Variants in RNGTT observed in about 807,000 individuals in gnomAD.
RNGTT encodes the protein mRNA-capping enzyme.
In RNGTT, 33 loss-of-function variants were observed where a neutral mutation model predicts 79.3. The ratio of observed to expected loss-of-function variants is 0.42; its 90% CI spans 0.32 to 0.56. The LOEUF is 0.56. Among genes scored for constraint, RNGTT ranks in the 20% least tolerant of loss-of-function variants. RNGTT has a pLI of 0.17. For synonymous variants in RNGTT, 222 were observed against 235.9 expected, an observed-to-expected ratio of 0.94 and a Z score of 0.54; for missense variants, 497 against 739.1, an observed-to-expected ratio of 0.67 and a Z score of 3.80.
intron 14 of RNGTT, among the ~76,000 whole-genome samples, chr6:88,654,447 T>C (rs1407531794): frequency 6.6e-6 from 1 of 152,174 alleles, no homozygotes; most frequent in Non-Finnish European, 1.5e-5. Flanking sequence ...TCTTTCTCTA[T>C]CCTCAAAAAA....
chr6:88,730,981 C>T (rs1481645935), intron 13 of RNGTT, among the ~76,000 whole-genome samples: 1 of 152,084 alleles, frequency 6.6e-6, no homozygotes, highest in Admixed American at 6.5e-5. Flanking sequence ...GAATGCAAGC[C>T]TCCTAAAAGA....
chr6:88,923,308 C>T (rs1784218764), intron 4 of RNGTT, among the ~76,000 whole-genome samples: 1 of 152,180 alleles, frequency 6.6e-6, no homozygotes, highest in Non-Finnish European at 1.5e-5. Context: ...ATTCCTTTCA[C>T]ATAACTCTTT....
At chr6:88,849,063 A>T (rs1781581936) in intron 10 of RNGTT, among the ~76,000 whole-genome samples, 1 of 151,992 alleles carries the variant, frequency 6.6e-6, no homozygotes, top group South Asian at 2.1e-4. Context: ...GAACTTCCCT[A>T]CTCACAAAGA....
chr6:88,630,714 CTTT>C (rs3839425), intron 14 of RNGTT, among the ~76,000 whole-genome samples: 1 of 146,800 alleles, frequency 6.8e-6, no homozygotes, highest in Admixed American at 6.8e-5. Context: ...ACATCTGAGA[CTTT>C]TTTTTTTTTT....
intron 13 of RNGTT, among the ~76,000 whole-genome samples, chr6:88,734,818 T>C (rs903823917): frequency 1.6e-4 from 24 of 152,286 alleles, no homozygotes; most frequent in African/African-American, 5.0e-4. Flanking sequence ...ATAAGCTACA[T>C]GAAATAGTCG....
At chr6:88,879,839 A>G (rs1283694457) in intron 8 of RNGTT, among the ~76,000 whole-genome samples, 1 of 152,222 alleles carries the variant, frequency 6.6e-6, no homozygotes, top group African/African-American at 2.4e-5. Flanking sequence ...AATGTATTCA[A>G]TGATGGGTTG....
chr6:88,689,508 C>G (rs544341514), intron 13 of RNGTT, among the ~76,000 whole-genome samples: 12 of 151,206 alleles, frequency 7.9e-5, no homozygotes, highest in African/African-American at 2.7e-4. Context: ...GCAGGAGAAT[C>G]ACTTGAACCC....
intron 12 of RNGTT, among the ~76,000 whole-genome samples, chr6:88,799,415 A>ACGGCCCGGCGCGGTG (rs1176648389): frequency 6.6e-6 from 1 of 152,126 alleles, no homozygotes; most frequent in Non-Finnish European, 1.5e-5. Flanking sequence ...AAGTGTGGTT[A>ACGGCCCGGCGCGGTG]CGGCCCGGCG....
intron 12 of RNGTT, among the ~76,000 whole-genome samples, chr6:88,797,611 A>T (rs949318966): frequency 6.6e-6 from 1 of 152,122 alleles, no homozygotes; most frequent in Non-Finnish European, 1.5e-5. Context: ...GAGTTTAAAG[A>T]AAGAAATATT....
intron 13 of RNGTT, among the ~76,000 whole-genome samples, chr6:88,720,316 CCCTA>C (rs1776665613): frequency 6.6e-6 from 1 of 151,946 alleles, no homozygotes; most frequent in Non-Finnish European, 1.5e-5. Flanking sequence ...ATTTTTTCTG[CCCTA>C]CCTAAACTTT....
chr6:88,948,463 C>A (rs2127962109), intron 1 of RNGTT, among the ~76,000 whole-genome samples: 1 of 143,900 alleles, frequency 6.9e-6, no homozygotes, highest in Non-Finnish European at 1.6e-5. Context: ...TCTGCCCGGC[C>A]AGCCGCCCCG....
intron 6 of RNGTT, among the ~76,000 whole-genome samples, chr6:88,898,948 G>C (rs1200769791): frequency 6.6e-6 from 1 of 150,698 alleles, no homozygotes; most frequent in Non-Finnish European, 1.5e-5. Context: ...ATTCTAAAAA[G>C]ACAACAATAC....
intron 11 of RNGTT, among the ~76,000 whole-genome samples, chr6:88,821,968 A>G (rs1756466494): frequency 6.6e-6 from 1 of 152,130 alleles, no homozygotes; most frequent in African/African-American, 2.4e-5. Flanking sequence ...TAGAACTAAG[A>G]AAAATAAATA....
chr6:88,848,534 A>G (rs1781561669), intron 10 of RNGTT, among the ~76,000 whole-genome samples: 1 of 151,454 alleles, frequency 6.6e-6, no homozygotes, highest in Non-Finnish European at 1.5e-5. Context: ...ATTAAAGTGA[A>G]TGAACTAAAT....
chr6:88,823,374 TG>T (rs1780556478), intron 11 of RNGTT, among the ~76,000 whole-genome samples: 1 of 151,798 alleles, frequency 6.6e-6, no homozygotes, highest in Non-Finnish European at 1.5e-5. Context: ...AGGCTGAGGT[TG>T]CAGTGAGTCA....
chr6:88,900,520 G>A (rs1173554407), intron 6 of RNGTT, among the ~76,000 whole-genome samples: 2 of 148,448 alleles, frequency 1.3e-5, no homozygotes, highest in Admixed American at 6.7e-5. Flanking sequence ...GGTCACCTGA[G>A]GTCAGGAGAT....
At chr6:88,632,856 T>C (rs771051883) in intron 14 of RNGTT, among the ~76,000 whole-genome samples, 1 of 151,844 alleles carries the variant, frequency 6.6e-6, no homozygotes, top group Non-Finnish European at 1.5e-5. Context: ...AGGACAGGAG[T>C]CTTGGTACTC....
chr6:88,774,028 A>C (rs1262638858), intron 12 of RNGTT, among the ~76,000 whole-genome samples: 1 of 152,192 alleles, frequency 6.6e-6, no homozygotes, highest in Non-Finnish European at 1.5e-5. Context: ...GACAACCTAC[A>C]GAATGGGAGA....
At chr6:88,756,123 A>T (rs1359694283) in intron 13 of RNGTT, among the ~76,000 whole-genome samples, 3 of 152,118 alleles carry the variant, frequency 2.0e-5, no homozygotes, top group Non-Finnish European at 4.4e-5. Context: ...AACAAAGAGG[A>T]AAATGCAACT....
Sources: allele counts gnomAD v4.1 joint callset (sites outside exome capture counted in the v4.1 genomes callset), GRCh38; gene constraint gnomAD v4.1.1; transcripts MANE v1.5; gene names NCBI Gene and HGNC (gene_info 2026-07-23, HGNC 2026-07-21).